GABRB1: variants seen among roughly 807,000 people sequenced by gnomAD.
The protein encoded by GABRB1 is gamma-aminobutyric acid type A receptor subunit beta1, also known as gamma-aminobutyric acid receptor subunit beta-1.
A neutral mutation model predicts 51.6 loss-of-function variants in GABRB1; 17 were observed. The observed-to-expected ratio is 0.33, with a 90% CI of 0.23 to 0.49. GABRB1 has a LOEUF of 0.49. Among genes scored for constraint, GABRB1 ranks in the 20% least tolerant of loss-of-function variants. The probability of loss-of-function intolerance (pLI) is 0.99; values close to 1 mark genes in which losing one functional copy is unlikely to be tolerated. For synonymous variants in GABRB1, 247 were observed against 218.9 expected, an observed-to-expected ratio of 1.13 and a Z score of -1.14; for missense variants, 410 against 600.6, an observed-to-expected ratio of 0.68 and a Z score of 3.32.
intron 4 of GABRB1, among the ~76,000 whole-genome samples, chr4:47,183,815 C>T (rs900451907): frequency 2.0e-5 from 3 of 151,858 alleles, no homozygotes; most frequent in South Asian, 4.1e-4. Context: ...GTGGCTTCTA[C>T]ATTCAAATAG....
At chr4:47,056,302 G>A (rs1345454798) in intron 3 of GABRB1, among the ~76,000 whole-genome samples, 3 of 152,074 alleles carry the variant, frequency 2.0e-5, no homozygotes, top group African/African-American at 4.8e-5. Flanking sequence ...CTTTTAGGAA[G>A]CCACCCTCTC....
intron 3 of GABRB1, among the ~76,000 whole-genome samples, chr4:47,137,630 C>T (rs1675433625): frequency 3.3e-5 from 5 of 152,060 alleles, no homozygotes; most frequent in Admixed American, 2.6e-4. Context: ...TGATAATGAG[C>T]AACCACAACA....
At chr4:47,024,439 C>G (rs1397632854) in intron 1 of GABRB1, among the ~76,000 whole-genome samples, 1 of 151,868 alleles carries the variant, frequency 6.6e-6, no homozygotes, top group East Asian at 1.9e-4. Context: ...TTGCAATCCC[C>G]CAAATCCTCC....
chr4:47,264,090 C>A (rs757478846), intron 4 of GABRB1, among the ~76,000 whole-genome samples: 1 of 151,890 alleles, frequency 6.6e-6, no homozygotes, highest in Non-Finnish European at 1.5e-5. Context: ...TGTAGTGAGC[C>A]GAGTTCACCC....
At chr4:47,313,211 C>T (rs1040236414) in intron 4 of GABRB1, among the ~76,000 whole-genome samples, 3 of 152,058 alleles carry the variant, frequency 2.0e-5, no homozygotes, top group Non-Finnish European at 4.4e-5. Flanking sequence ...CATGAGTCTA[C>T]CTCTGGGAAA....
At chr4:47,423,012 G>A (rs1003623256) in intron 8 of GABRB1, among the ~76,000 whole-genome samples, 3 of 151,832 alleles carry the variant, frequency 2.0e-5, no homozygotes, top group Non-Finnish European at 2.9e-5. Flanking sequence ...CCTAGTCCAG[G>A]CCCTCATTAT....
At chr4:47,075,442 TG>T (rs1463033446) in intron 3 of GABRB1, among the ~76,000 whole-genome samples, 7 of 152,182 alleles carry the variant, frequency 4.6e-5, no homozygotes, top group Admixed American at 1.3e-4. Context: ...CAATCTATGC[TG>T]GGTCTTTCTG....
chr4:47,316,808 T>C (rs1164559505), intron 4 of GABRB1, among the ~76,000 whole-genome samples: 2 of 151,940 alleles, frequency 1.3e-5, no homozygotes, highest in African/African-American at 4.8e-5. Flanking sequence ...TTTAAGAATT[T>C]AGAAGCAAGT....
chr4:47,105,958 A>G (rs767961637), intron 3 of GABRB1, among the ~76,000 whole-genome samples: 5 of 152,134 alleles, frequency 3.3e-5, no homozygotes, highest in Non-Finnish European at 1.5e-5. Context: ...AAGATCTGAC[A>G]TTGACCATAG....
At chr4:47,141,843 G>A (rs1042758342) in intron 3 of GABRB1, among the ~76,000 whole-genome samples, 1 of 151,872 alleles carries the variant, frequency 6.6e-6, no homozygotes, top group Non-Finnish European at 1.5e-5. Context: ...CAAGTGCCTA[G>A]CCCTGTAAAG....
chr4:47,058,323 G>A (rs1208425465), intron 3 of GABRB1, among the ~76,000 whole-genome samples: 2 of 152,106 alleles, frequency 1.3e-5, no homozygotes, highest in Admixed American at 6.6e-5. Context: ...AAGTCTATAT[G>A]GTTTCTATAA....
chr4:47,099,942 G>C (rs1714648600), intron 3 of GABRB1, among the ~76,000 whole-genome samples: 1 of 151,546 alleles, frequency 6.6e-6, no homozygotes. Flanking sequence ...TACATGATTT[G>C]GTTTAAGAAT....
intron 4 of GABRB1, among the ~76,000 whole-genome samples, chr4:47,269,843 C>A (rs139007470): frequency 2.2e-4 from 33 of 151,740 alleles, no homozygotes; most frequent in African/African-American, 7.5e-4. Flanking sequence ...GCTAGAAGAG[C>A]CCACATTCTT....
chr4:47,414,266 G>A (rs181438219), intron 8 of GABRB1, among the ~76,000 whole-genome samples: 2 of 152,252 alleles, frequency 1.3e-5, no homozygotes, highest in African/African-American at 2.4e-5. Context: ...AGGAGGTCCC[G>A]TCGACATGTG....
chr4:47,256,050 A>T (rs1215316702), intron 4 of GABRB1, among the ~76,000 whole-genome samples: 1 of 152,212 alleles, frequency 6.6e-6, no homozygotes, highest in Non-Finnish European at 1.5e-5. Context: ...CTAATGAATT[A>T]GGGAGTGGGA....
chr4:47,028,281 A>G (rs1022100678), upstream of GABRB1, among the ~76,000 whole-genome samples: 2 of 151,776 alleles, frequency 1.3e-5, no homozygotes, highest in Non-Finnish European at 3.0e-5. Context: ...ATCATAAAGA[A>G]TGAGGTATCC....
At chr4:47,017,801 T>C (rs1724793617) in intron 1 of GABRB1, among the ~76,000 whole-genome samples, 1 of 152,200 alleles carries the variant, frequency 6.6e-6, no homozygotes, top group African/African-American at 2.4e-5. Context: ...TTTGAAGCTG[T>C]GGAGATATTC....
At chr4:47,221,562 TA>T (rs1364785966) in intron 4 of GABRB1, among the ~76,000 whole-genome samples, 3 of 151,950 alleles carry the variant, frequency 2.0e-5, no homozygotes, top group African/African-American at 4.8e-5. Flanking sequence ...GCTCTAAAAC[TA>T]TACTAGATGG....
intron 3 of GABRB1, among the ~76,000 whole-genome samples, chr4:47,081,571 G>A (rs1166914242): frequency 6.6e-6 from 1 of 151,952 alleles, no homozygotes; most frequent in Non-Finnish European, 1.5e-5. Flanking sequence ...TGCATTCAAG[G>A]ATCATGGTCT....
Sources: allele counts gnomAD v4.1 joint callset (sites outside exome capture counted in the v4.1 genomes callset), GRCh38; gene constraint gnomAD v4.1.1; transcripts MANE v1.5; gene names NCBI Gene and HGNC (gene_info 2026-07-23, HGNC 2026-07-21).